Variants in ACMSD observed in about 807,000 individuals in gnomAD.
ACMSD encodes the protein aminocarboxymuconate semialdehyde decarboxylase.
Under a neutral mutation model 45.9 loss-of-function variants are expected in ACMSD, and 37 were observed. The observed-to-expected ratio is 0.81, with a 90% CI of 0.62 to 1.06. The LOEUF (loss-of-function observed/expected upper bound fraction) is 1.06. ACMSD is among the 50% of genes least tolerant of loss of function. The probability of loss-of-function intolerance (pLI) is 0.00; values close to 1 mark genes in which losing one functional copy is unlikely to be tolerated. For synonymous variants in ACMSD, 138 were observed against 148.8 expected, an observed-to-expected ratio of 0.93 and a Z score of 0.53; for missense variants, 434 against 420.9, an observed-to-expected ratio of 1.03 and a Z score of -0.27.
chr2:134,862,224 T>C (rs1687881318), intron 4 of ACMSD, among the ~76,000 whole-genome samples: 1 of 152,200 alleles, frequency 6.6e-6, no homozygotes, highest in African/African-American at 2.4e-5. Context: ...TAGTCACATG[T>C]TGCTATGTGA....
intron 6 of ACMSD, among the ~76,000 whole-genome samples, chr2:134,868,195 A>G (rs1688211359): frequency 6.6e-6 from 1 of 152,210 alleles, no homozygotes; most frequent in Non-Finnish European, 1.5e-5. Flanking sequence ...GAAATCTTAT[A>G]TAAAAGATGA....
chr2:134,852,011 T>C (rs1345078202), intron 2 of ACMSD, among the ~76,000 whole-genome samples: 1 of 152,246 alleles, frequency 6.6e-6, no homozygotes. Flanking sequence ...GTATTATTAG[T>C]GTGTTATACG....
At chr2:134,882,363 A>G (rs1689087006) in intron 8 of ACMSD, among the ~76,000 whole-genome samples, 1 of 152,172 alleles carries the variant, frequency 6.6e-6, no homozygotes, top group African/African-American at 2.4e-5. Flanking sequence ...TGGTGACCAA[A>G]TATCAAGTCA....
intron 8 of ACMSD, among the ~76,000 whole-genome samples, chr2:134,890,761 G>GTA (rs1178534244): frequency 6.6e-6 from 1 of 151,928 alleles, no homozygotes; most frequent in Admixed American, 6.6e-5. Context: ...AGATGGCAAA[G>GTA]TATAAACAAT....
rs116523487 is a variant in ACMSD, at chr2:134,867,803, T to G, written c.580+131T>G. ...GATTATGAGTAATAGCAGCTATCAC[T>G]TACTGAGCTCTTACTTGGATTAATG... On this transcript the variant is annotated intron_variant, in intron 6 of 9. Coordinates refer to ENST00000356140, the MANE Select transcript of ACMSD (RefSeq NM_138326.3). The G allele has an allele frequency of 1.2e-3, 762 of 615,324 alleles. 6 individuals are homozygous for G. Among genetic ancestry groups the G allele is most frequent in the African/African-American group, 0.012 (671 of 54,370 alleles). The allele number at this position is 615,324 out of a possible 1,614,324, so 38.1% of individuals were successfully genotyped here.
chr2:134,863,284 A>C (rs1046413500), intron 4 of ACMSD, 111 bp from the exon 5 acceptor site: 97 of 1,136,494 alleles, frequency 8.5e-5, no homozygotes, highest in Non-Finnish European at 1.2e-4. Context: ...TGATGTGGTA[A>C]AGCCACTGAA....
At chr2:134,876,763 T>A (rs1489219949) in intron 8 of ACMSD, among the ~76,000 whole-genome samples, 2 of 152,178 alleles carry the variant, frequency 1.3e-5, no homozygotes, top group Non-Finnish European at 1.5e-5. Flanking sequence ...AAGTCTTACA[T>A]ACTGTACATC....
In ACMSD at chr2:134,872,527, T is replaced by G. The variant is rs1467636056; in HGVS notation, c.735T>G (p.Asp245Glu). ...RISHGFSMRP[D>E]LCAQDNPMNP... ...CCCATGGATTCAGCATGCGCCCAGA[T>G]CTGTGTGCCCAGGACAACCCCATGA... The change falls in exon 8 of 10, where the codon GAT (aspartate) becomes GAG (glutamate). Residue 245 changes from aspartate (D) to glutamate (E), a missense_variant. Physicochemically the swap from Asp to Glu is conservative, Grantham distance 45 (BLOSUM62 2). Transcript: ENST00000356140. 1 of 1,614,024 alleles carries G rather than the reference T, an allele frequency of 6.2e-7. No individual in the cohort carries two copies. Among genetic ancestry groups the G allele is most frequent in the Non-Finnish European group, 8.5e-7 (1 of 1,180,028 alleles).
intron 2 of ACMSD, among the ~76,000 whole-genome samples, chr2:134,851,575 T>C (rs1573626523): frequency 2.0e-5 from 3 of 152,296 alleles, no homozygotes; most frequent in Admixed American, 2.0e-4. Context: ...CCTGAGTAGC[T>C]GGAACTACAG....
intron 5 of ACMSD, among the ~76,000 whole-genome samples, chr2:134,865,782 C>T (rs1304180044): frequency 6.6e-6 from 1 of 152,154 alleles, no homozygotes; most frequent in Admixed American, 6.5e-5. Flanking sequence ...ATCATACATG[C>T]TCAGGTCAGT....
intron 8 of ACMSD, among the ~76,000 whole-genome samples, chr2:134,876,749 T>C (rs1688753693): frequency 6.6e-6 from 1 of 152,208 alleles, no homozygotes; most frequent in South Asian, 2.1e-4. Flanking sequence ...TTTATATCAT[T>C]ACCAAGTCTT....
At chr2:134,858,956 A>T (rs1687719688) in intron 2 of ACMSD, among the ~76,000 whole-genome samples, 1 of 147,576 alleles carries the variant, frequency 6.8e-6, no homozygotes, top group Admixed American at 6.9e-5. Flanking sequence ...TCTAGTAGCC[A>T]GGGGTTCAGA....
intron 8 of ACMSD, among the ~76,000 whole-genome samples, chr2:134,892,977 T>C (rs985091940): frequency 6.6e-6 from 1 of 152,150 alleles, no homozygotes; most frequent in Non-Finnish European, 1.5e-5. Flanking sequence ...GCAGCACAAA[T>C]AGAGTGACAA....
In ACMSD at chr2:134,863,424, C is replaced by T. The variant is rs912530472; in HGVS notation, c.279C>T (p.Cys93=). 7 of 1,614,090 alleles carry T rather than the reference C, an allele frequency of 4.3e-6. No homozygotes were observed. Among genetic ancestry groups the T allele is most frequent in the Non-Finnish European group, 5.9e-6 (7 of 1,180,048 alleles). ...AACCTGAGGACACTTTAAACCTGTG[C>T]CAGCTTTTAAACAACGACCTTGCCA... The part of the protein sequence containing the change: ...WAKPEDTLNL[C]QLLNNDLAST... The change falls in exon 5 of 10, where the codon TGC becomes TGT. Residue 93 remains cysteine (C), a synonymous_variant. Transcript: ENST00000356140.
chr2:134,861,192 C>T (rs1175578191), intron 3 of ACMSD, among the ~76,000 whole-genome samples: 1 of 152,058 alleles, frequency 6.6e-6, no homozygotes, highest in African/African-American at 2.4e-5. Flanking sequence ...ACATGCTTCC[C>T]TGACCTACAG....
chr2:134,851,860 T>A (rs1293914743), intron 2 of ACMSD, among the ~76,000 whole-genome samples: 3 of 152,234 alleles, frequency 2.0e-5, no homozygotes, highest in Admixed American at 6.5e-5. Flanking sequence ...ATTTCTCTGA[T>A]GATCAGTGAT....
intron 8 of ACMSD, among the ~76,000 whole-genome samples, chr2:134,886,997 T>C (rs999012995): frequency 6.6e-6 from 1 of 152,102 alleles, no homozygotes; most frequent in African/African-American, 2.4e-5. Context: ...TTTATAATAG[T>C]GTTTTAAAAA....
At chr2:134,856,859 T>C (rs1254499285) in intron 2 of ACMSD, among the ~76,000 whole-genome samples, 1 of 152,212 alleles carries the variant, frequency 6.6e-6, no homozygotes, top group African/African-American at 2.4e-5. Context: ...TTGCTCCAAA[T>C]TGCTTTGACT....
At chr2:134,847,928 C>T (rs1268258708) in intron 2 of ACMSD, among the ~76,000 whole-genome samples, 4 of 151,846 alleles carry the variant, frequency 2.6e-5, no homozygotes, top group Non-Finnish European at 4.4e-5. Context: ...CCTGGCTCAC[C>T]GCAACCTCTG....
Sources: gnomAD v4.1 joint callset for allele counts (sites outside exome capture counted in the v4.1 genomes callset) on GRCh38, gnomAD v4.1.1 for gene constraint, MANE v1.5 for transcripts, NCBI Gene and HGNC (gene_info 2026-07-23, HGNC 2026-07-21) for gene names.